GON4L: variants seen among roughly 807,000 people sequenced by gnomAD.
GON4L encodes GON-4-like protein.
A neutral mutation model predicts 211.8 loss-of-function variants in GON4L; 87 were observed. That is an observed-to-expected ratio of 0.41 (90% CI 0.35 to 0.49). GON4L has a LOEUF of 0.49. Ranked by LOEUF, GON4L falls within the 20% of genes least tolerant of loss-of-function variation. GON4L has a pLI of 0.15. For missense variants in GON4L, 2,155 were observed against 2,659.5 expected, an observed-to-expected ratio of 0.81 and a Z score of 4.17; for synonymous variants, 875 against 962.6, an observed-to-expected ratio of 0.91 and a Z score of 1.68.
In GON4L at chr1:155,752,583, C is replaced by T; in HGVS notation, c.5850G>A (p.Leu1950=). ...RKGEMPVSAG[L]AVGSTLPSPR... is the part of the protein sequence containing the mutation. ...GGGATGGCAAAGTGCTCCCCACTGCCAATCCTGCTTAGGAGGAAAATAAGG... is the reference window on the plus strand; with the variant it reads ...GGGATGGCAAAGTGCTCCCCACTGCTAATCCTGCTTAGGAGGAAAATAAGG... Residue 1950 remains leucine, a synonymous_variant, in exon 30 of 32, where the codon TTG becomes TTA. Transcript: ENST00000368331. 6.3e-6 allele frequency: 10 copies of T among 1,583,804 alleles called. No homozygotes were observed. Among genetic ancestry groups the T allele is most frequent in the Non-Finnish European group, 8.6e-6 (10 of 1,164,618 alleles).
chr1:155,775,455 AT>A (rs575154449), intron 16 of GON4L, among the ~76,000 whole-genome samples: 365 of 144,562 alleles, frequency 2.5e-3, no homozygotes, highest in Middle Eastern at 0.011. Context: ...ATGAGGACTC[AT>A]TTTTTTTTTT....
rs2101815777 is a variant in GON4L, at chr1:155,773,133, G to A, written c.2428C>T (p.Leu810Phe). 1 of 1,613,660 alleles carries A rather than the reference G, an allele frequency of 6.2e-7. No homozygotes were observed. Among genetic ancestry groups the A allele is most frequent in the Non-Finnish European group, 8.5e-7 (1 of 1,179,942 alleles). Residue 810 changes from leucine to phenylalanine, a missense_variant, in exon 18 of 32, where the codon CTT becomes TTT. Coordinates refer to ENST00000368331, the MANE Select transcript of GON4L (RefSeq NM_001282860.2). ...TSKVFMYPEL[L>F]PVCSLKAKNP... ...TTTGCCTTCAGGGAACACACTGGAA[G>A]TAACTCTGGATACATGAAAACCTTG...
At chr1:155,789,641 AT>A (rs901454918) in intron 12 of GON4L, among the ~76,000 whole-genome samples, 2 of 152,064 alleles carry the variant, frequency 1.3e-5, no homozygotes, top group African/African-American at 4.8e-5. Context: ...GTGAAGTATA[AT>A]TTACTCTGAA....
At position 155,815,935 on chromosome 1, in the gene GON4L, G is replaced by A. The variant is rs766439113; in HGVS notation, c.1066-35C>T. ...TACAATTAGAAAGAAATGAAGTAAT[G>A]GGAAACACAAATCATACGTATTTGG... is the stretch of plus-strand genomic sequence containing the variant. On this transcript the variant is annotated intron_variant, in intron 7 of 31. Coordinates refer to ENST00000368331, the MANE Select transcript of GON4L (RefSeq NM_001282860.2). The A allele has an allele frequency of 6.5e-6, 8 of 1,226,872 alleles. No homozygotes were observed. In the South Asian group the frequency reaches 8.4e-5, roughly 13 times the overall value. The allele number at this position is 1,226,872 out of a possible 1,614,324, so 76.0% of individuals were successfully genotyped here.
At chr1:155,749,579 C>T (rs1003858386), downstream of GON4L, 1 of 1,421,420 alleles carries the variant, frequency 7.0e-7, no homozygotes, top group Non-Finnish European at 9.5e-7. Flanking sequence ...CCCACCTCTT[C>T]TCAAGCTGCA....
At chr1:155,770,513 G>A (rs1261241815) in intron 19 of GON4L, among the ~76,000 whole-genome samples, 2 of 152,192 alleles carry the variant, frequency 1.3e-5, no homozygotes, top group African/African-American at 4.8e-5. Flanking sequence ...CAGGATGATA[G>A]AGCAAGAACC....
intron 27 of GON4L, among the ~76,000 whole-genome samples, chr1:155,755,885 A>G (rs1041427691): frequency 3.9e-5 from 6 of 151,948 alleles, no homozygotes. Flanking sequence ...TGAAACAAAG[A>G]GAGGTTAAAT....
chr1:155,815,017 G>A (rs1246602683), intron 8 of GON4L, among the ~76,000 whole-genome samples: 2 of 152,134 alleles, frequency 1.3e-5, no homozygotes, highest in Non-Finnish European at 2.9e-5. Context: ...AGGAGGCTGA[G>A]GCAGGAGACT....
At chr1:155,763,880 G>A (rs1031380175) in intron 21 of GON4L, among the ~76,000 whole-genome samples, 2 of 152,060 alleles carry the variant, frequency 1.3e-5, no homozygotes, top group South Asian at 2.1e-4. Context: ...GTACATGCCT[G>A]TAATCCCAGC....
intron 2 of GON4L, among the ~76,000 whole-genome samples, chr1:155,843,484 T>C (rs534017390): frequency 1.3e-5 from 2 of 152,230 alleles, no homozygotes; most frequent in African/African-American, 2.4e-5. Flanking sequence ...ACCACCCTCC[T>C]ACCCCCTACT....
chr1:155,802,387 C>T (rs1282739418), intron 11 of GON4L, among the ~76,000 whole-genome samples: 1 of 151,492 alleles, frequency 6.6e-6, no homozygotes, highest in African/African-American at 2.4e-5. Context: ...ATTACTCTTA[C>T]AGTTTTACAG....
chr1:155,850,893 C>CAAA (rs1054559671), intron 2 of GON4L, among the ~76,000 whole-genome samples: 1 of 127,944 alleles, frequency 7.8e-6, no homozygotes, highest in South Asian at 2.4e-4. Context: ...AACTAAAATA[C>CAAA]AAAAAAAAAA....
intron 21 of GON4L, chr1:155,764,758 A>C (rs1355208766): frequency 5.9e-6 from 7 of 1,194,838 alleles, no homozygotes; most frequent in Non-Finnish European, 8.5e-6. Flanking sequence ...TTTTTAAGGC[A>C]TTTAAAGTAT....
At chr1:155,746,981 T>C (rs771237755), downstream of GON4L, 14 of 1,594,680 alleles carry the variant, frequency 8.8e-6, 1 homozygote, top group South Asian at 1.6e-4. Context: ...AATGATATTT[T>C]GGGAAAAAGC....
chr1:155,855,573 T>G (rs931838157), intron 1 of GON4L, among the ~76,000 whole-genome samples: 9 of 152,166 alleles, frequency 5.9e-5, no homozygotes, highest in African/African-American at 2.2e-4. Context: ...GTATTGATAC[T>G]CAATGTGTCA....
At chr1:155,829,316 T>C (rs187942710) in intron 2 of GON4L, among the ~76,000 whole-genome samples, 138 of 152,238 alleles carry the variant, frequency 9.1e-4, no homozygotes, top group African/African-American at 3.2e-3. Context: ...AATTTTGATG[T>C]TATGATCAGC....
At chr1:155,855,109 T>C (rs1571958873) in intron 1 of GON4L, among the ~76,000 whole-genome samples, 1 of 152,242 alleles carries the variant, frequency 6.6e-6, no homozygotes, top group African/African-American at 2.4e-5. Context: ...AGAGTCCTAC[T>C]ATCCTCTGCG....
At chr1:155,795,944 C>T (rs1206734276) in intron 11 of GON4L, among the ~76,000 whole-genome samples, 1 of 152,054 alleles carries the variant, frequency 6.6e-6, no homozygotes, top group African/African-American at 2.4e-5. Context: ...GCCCAGATTT[C>T]AAATTTTCAA....
At chr1:155,749,060 C>G (rs1350514317), downstream of GON4L, among the ~76,000 whole-genome samples, 1 of 152,016 alleles carries the variant, frequency 6.6e-6, no homozygotes, top group Non-Finnish European at 1.5e-5. Flanking sequence ...TCGAGACCAG[C>G]CTGACCAACA....
Sources: gnomAD v4.1 joint callset for allele counts (sites outside exome capture counted in the v4.1 genomes callset) on GRCh38, gnomAD v4.1.1 for gene constraint, MANE v1.5 for transcripts, NCBI Gene and HGNC (gene_info 2026-07-23, HGNC 2026-07-21) for gene names.